The following CYP2C19 variants were observed in gnomAD, a reference collection of about 807,000 sequenced individuals.
CYP2C19 encodes cytochrome P450 2C19.
In CYP2C19, 59 loss-of-function variants were observed where a neutral mutation model predicts 40.9. The ratio of observed to expected loss-of-function variants is 1.44; its 90% confidence interval spans 1.17 to 1.79. The LOEUF (loss-of-function observed/expected upper bound fraction) is 1.79, where lower values mean the gene tolerates loss of function less well. CYP2C19 is among the 40% of genes most tolerant of loss of function. The pLI is 0.00. For synonymous variants in CYP2C19, 253 were observed against 208.7 expected, an observed-to-expected ratio of 1.21 and a Z score of -1.83; for missense variants, 754 against 596.9, an observed-to-expected ratio of 1.26 and a Z score of -2.74.
intron 6 of CYP2C19, among the ~76,000 whole-genome samples, chr10:94,835,296 G>T (rs1020868921): frequency 5.3e-5 from 8 of 152,136 alleles, no homozygotes; most frequent in African/African-American, 1.9e-4. Flanking sequence ...CATCTGATGG[G>T]TGCTATCAAT....
At chr10:94,772,368 T>C (rs969521518) in intron 1 of CYP2C19, among the ~76,000 whole-genome samples, 10 of 152,122 alleles carry the variant, frequency 6.6e-5, no homozygotes, top group Admixed American at 6.5e-4. Flanking sequence ...TCCTGGAGTT[T>C]ATACTAGAAA....
intron 1 of CYP2C19, among the ~76,000 whole-genome samples, chr10:94,767,321 C>G (rs1848259273): frequency 6.6e-6 from 1 of 152,132 alleles, no homozygotes; most frequent in Non-Finnish European, 1.5e-5. Flanking sequence ...CTGGAAATTC[C>G]CTAAGTTATT....
intron 6 of CYP2C19, 84 bp from the exon 7 acceptor site, chr10:94,842,753 A>T (rs1279673957): frequency 3.5e-6 from 5 of 1,425,060 alleles, no homozygotes; most frequent in Admixed American, 1.7e-5. Context: ...GGATACCTTC[A>T]TCATGATTCA....
At chr10:94,845,418 A>C (rs370633513) in intron 7 of CYP2C19, among the ~76,000 whole-genome samples, 3 of 152,170 alleles carry the variant, frequency 2.0e-5, no homozygotes, top group African/African-American at 7.2e-5. Context: ...ATACTATACA[A>C]AAACAGGTGG....
intron 5 of CYP2C19, among the ~76,000 whole-genome samples, chr10:94,790,985 T>C (rs1301542327): frequency 6.6e-6 from 1 of 152,178 alleles, no homozygotes; most frequent in Non-Finnish European, 1.5e-5. Context: ...CAGCTGTGAA[T>C]CCCTCTGGTT....
At chr10:94,841,726 T>C (rs1364650142) in intron 6 of CYP2C19, among the ~76,000 whole-genome samples, 1 of 152,198 alleles carries the variant, frequency 6.6e-6, no homozygotes, top group Non-Finnish European at 1.5e-5. Context: ...TTTCTGAATT[T>C]CCTTTTTAAT....
In CYP2C19 at chr10:94,835,085, C is replaced by T. The variant is rs146311642; in HGVS notation, c.962-7752C>T. 3.1e-3 allele frequency among the ~76,000 whole-genome samples: 472 copies of T among 152,210 alleles called. 3 individuals are homozygous for T. Among genetic ancestry groups the T allele is most frequent in the African/African-American group, 0.011 (449 of 41,528 alleles). On this transcript the variant is annotated intron_variant, in intron 6 of 8. Coordinates refer to ENST00000371321, the MANE Select transcript of CYP2C19 (RefSeq NM_000769.4). ...TCCAAGGGTCTGCAGTAGATCTTAG[C>T]CATGGACTGCATCTGGGGCTCCATT... is the stretch of plus-strand genomic sequence containing the variant.
intron 5 of CYP2C19, among the ~76,000 whole-genome samples, chr10:94,798,810 CCT>C (rs1383335177): frequency 1.5e-5 from 2 of 132,450 alleles, no homozygotes; most frequent in African/African-American, 5.4e-5. Flanking sequence ...GATTGCAACC[CCT>C]GATTTTTTTT....
At chr10:94,803,161 G>T (rs1848788806) in intron 5 of CYP2C19, among the ~76,000 whole-genome samples, 1 of 152,078 alleles carries the variant, frequency 6.6e-6, no homozygotes, top group African/African-American at 2.4e-5. Flanking sequence ...TCTTATGCTG[G>T]TTTCTTCTTA....
At chr10:94,842,490 TCA>T (rs981532796) in intron 6 of CYP2C19, among the ~76,000 whole-genome samples, 1 of 151,514 alleles carries the variant, frequency 6.6e-6, no homozygotes, top group Non-Finnish European at 1.5e-5. Context: ...CCATTTACAT[TCA>T]GTGTTATTAT....
intron 4 of CYP2C19, among the ~76,000 whole-genome samples, chr10:94,781,258 T>C (rs1487408545): frequency 6.6e-6 from 1 of 152,156 alleles, no homozygotes; most frequent in East Asian, 1.9e-4. Context: ...CTGTGCTGAA[T>C]TGGCATGTTT....
At position 94,854,210 on chromosome 10, in the gene CYP2C19, G is replaced by T. The variant is rs926397048; in HGVS notation, c.*1296G>T. ...ATTTTTGTATTTTTAGTAGAGACAGGGTTTCACTATGTGGGCCAGGCTAGT... is the reference window on the plus strand; with the variant it reads ...ATTTTTGTATTTTTAGTAGAGACAGTGTTTCACTATGTGGGCCAGGCTAGT... On this transcript the variant is annotated 3_prime_UTR_variant, in exon 9 of 9. Transcript: ENST00000371321. Among the ~76,000 whole-genome samples, 1 of 151,548 alleles carries T rather than the reference G, an allele frequency of 6.6e-6. No homozygotes were observed. The highest frequency in any genetic ancestry group is 2.1e-4 in the South Asian group (1 of 4,792).
intron 6 of CYP2C19, among the ~76,000 whole-genome samples, chr10:94,839,314 G>A (rs1344960543): frequency 6.6e-6 from 1 of 152,000 alleles, no homozygotes; most frequent in Non-Finnish European, 1.5e-5. Context: ...TTCCTTTCCA[G>A]GCTGTATAAC....
chr10:94,793,588 C>G (rs1302820883), intron 5 of CYP2C19, among the ~76,000 whole-genome samples: 2 of 152,154 alleles, frequency 1.3e-5, no homozygotes, highest in Admixed American at 1.3e-4. Context: ...AGTCAGGACT[C>G]TCAGGTGCAG....
chr10:94,797,652 T>C (rs1468458315), intron 5 of CYP2C19, among the ~76,000 whole-genome samples: 6 of 152,132 alleles, frequency 3.9e-5, no homozygotes. Flanking sequence ...CTATTAATTA[T>C]TGCCTTAATT....
In CYP2C19 at chr10:94,780,533, T is replaced by C. The variant is rs775854586; in HGVS notation, c.516T>C (p.Cys172=). 4.3e-6 allele frequency: 7 copies of C among 1,613,880 alleles called. No individual in the cohort carries two copies. Among genetic ancestry groups the C allele is most frequent in the Non-Finnish European group, 5.9e-6 (7 of 1,179,934 alleles). The change falls in exon 4 of 9, where the codon TGT becomes TGC. Residue 172 remains cysteine (C), a synonymous_variant. Coordinates refer to ENST00000371321, the MANE Select transcript of CYP2C19 (RefSeq NM_000769.4). ...GTGATCCCACTTTCATCCTGGGCTG[T>C]GCTCCCTGCAATGTGATCTGCTCCA... ...SPCDPTFILG[C]APCNVICSII...
intron 5 of CYP2C19, among the ~76,000 whole-genome samples, chr10:94,793,025 A>C (rs12761391): frequency 0.49 from 73,723 of 151,878 alleles, 18,883 homozygotes; most frequent in African/African-American, 0.64. Context: ...TCACATAGTC[A>C]AATATTTCTT....
intron 6 of CYP2C19, among the ~76,000 whole-genome samples, chr10:94,830,157 C>T (rs1477279748): frequency 6.6e-6 from 1 of 152,216 alleles, no homozygotes; most frequent in Non-Finnish European, 1.5e-5. Context: ...GGCAGGCAGG[C>T]CTCCTTGAGC....
chr10:94,766,816 T>C (rs1848251772), intron 1 of CYP2C19, among the ~76,000 whole-genome samples: 1 of 152,032 alleles, frequency 6.6e-6, no homozygotes, highest in Non-Finnish European at 1.5e-5. Context: ...AACTCAGGTG[T>C]GGCGAATCCA....
Sources: gnomAD v4.1 joint callset for allele counts (sites outside exome capture counted in the v4.1 genomes callset) on GRCh38, gnomAD v4.1.1 for gene constraint, MANE v1.5 for transcripts, NCBI Gene and HGNC (gene_info 2026-07-23, HGNC 2026-07-21) for gene names.